DUSP5: variants seen among roughly 807,000 people sequenced by gnomAD.
DUSP5 encodes the protein dual specificity phosphatase 5.
A neutral mutation model predicts 33.6 loss-of-function variants in DUSP5; 22 were observed. The observed-to-expected ratio is 0.66, with a 90% CI of 0.47 to 0.94. The LOEUF (loss-of-function observed/expected upper bound fraction) is 0.94, where lower values mean the gene tolerates loss of function less well. DUSP5 is among the 40% of genes least tolerant of loss of function. The probability of loss-of-function intolerance (pLI) is 0.00; values close to 1 mark genes in which losing one functional copy is unlikely to be tolerated. For synonymous variants in DUSP5, 270 were observed against 231.1 expected (o/e 1.17, Z -1.53); for missense variants, 551 against 522.1 (o/e 1.06, Z -0.54).
At chr10:110,501,003 G>A (rs898606528) in intron 1 of DUSP5, among the ~76,000 whole-genome samples, 3 of 152,192 alleles carry the variant, frequency 2.0e-5, no homozygotes, top group Non-Finnish European at 2.9e-5. Context: ...GTAGCCTGAA[G>A]ATTCCTATTT....
In DUSP5 at chr10:110,506,933, A is replaced by C; in HGVS notation, c.529-2A>C. Reference sequence around the variant, plus strand: ...CTGATTGTCCTTTGTCCCTGCATCCAGGGTGGCCCAGTTGAAATCCTTCCC... The same window carrying C: ...CTGATTGTCCTTTGTCCCTGCATCCCGGGTGGCCCAGTTGAAATCCTTCCC... On this transcript the variant is annotated splice_acceptor_variant, in intron 2 of 3. Transcript: ENST00000369583. LOFTEE classifies it high-confidence loss of function. The C allele has an allele frequency of 6.2e-7, 1 of 1,614,128 alleles. No individual in the cohort carries two copies. The highest frequency in any genetic ancestry group is 8.5e-7 in the Non-Finnish European group (1 of 1,179,940).
Position 110,510,191 on chromosome 10 carries a change from T to C in DUSP5, c.920T>C (p.Met307Thr). Reference protein sequence around the residue: ...RSMVSPNFGFMGQLLQYESEI... With the variant: ...RSMVSPNFGFTGQLLQYESEI... ...ATGGTCTCGCCCAACTTTGGCTTCA[T>C]GGGCCAGCTCCTGCAGTACGAATCT... The change falls in exon 4 of 4, where the codon ATG becomes ACG. Residue 307 changes from methionine to threonine, a missense_variant. Around this residue, in one of 3 missense-constraint regions of DUSP5, gnomAD observed 158 missense variants for 181.8 expected, o/e 0.87. Transcript: ENST00000369583. 1 of 1,614,232 alleles carries C rather than the reference T, an allele frequency of 6.2e-7. No homozygotes were observed. Among genetic ancestry groups the C allele is most frequent in the Non-Finnish European group, 8.5e-7 (1 of 1,180,038 alleles).
intron 3 of DUSP5, 117 bp downstream of exon 3, chr10:110,507,271 C>A: frequency 9.3e-7 from 1 of 1,074,208 alleles, no homozygotes; most frequent in Non-Finnish European, 1.3e-6. Context: ...TTGTATATGC[C>A]GCTGCTGAGA....
chr10:110,507,535 CAG>C (rs1280775081), intron 3 of DUSP5, among the ~76,000 whole-genome samples: 4 of 152,144 alleles, frequency 2.6e-5, no homozygotes, highest in Admixed American at 2.0e-4. Context: ...TAAAAGCAAA[CAG>C]AAGGATTCAG....
chr10:110,499,156 C>T (rs901001646), intron 1 of DUSP5, among the ~76,000 whole-genome samples: 1 of 152,110 alleles, frequency 6.6e-6, no homozygotes, highest in Non-Finnish European at 1.5e-5. Flanking sequence ...GGGACCCATC[C>T]TGAGCTGAGC....
chr10:110,501,438 G>A lies in DUSP5; in HGVS notation c.380-1283G>A, dbSNP rs116803019. ...CAGTTCCAGTGAGCTGAGAGGAAGC[G>A]GTAATGGCAAGATGACTCATTCTAG... On this transcript the variant is annotated intron_variant, in intron 1 of 3. Coordinates refer to ENST00000369583, the MANE Select transcript of DUSP5 (RefSeq NM_004419.4). Among the ~76,000 whole-genome samples the A allele has an allele frequency of 5.5e-3, 843 of 152,228 alleles. 12 individuals are homozygous for A. The highest frequency in any genetic ancestry group is 0.02 in the African/African-American group (812 of 41,518).
intron 2 of DUSP5, among the ~76,000 whole-genome samples, chr10:110,504,003 T>C (rs1327319061): frequency 6.6e-6 from 1 of 152,348 alleles, no homozygotes; most frequent in East Asian, 1.9e-4. Context: ...AGGAATCCTA[T>C]TAGCTTGTCC....
At chr10:110,509,983 A>C in intron 3 of DUSP5, 37 bp from the exon 4 acceptor site, 1 of 1,544,698 alleles carries the variant, frequency 6.5e-7, no homozygotes, top group Non-Finnish European at 8.7e-7. Flanking sequence ...TTAGATTCTA[A>C]TCCCAACTCA....
rs750427248 is a variant in DUSP5 at position 110,498,200 on chromosome 10, G to T, written c.79G>T (p.Asp27Tyr). 1.3e-6 allele frequency: 2 copies of T among 1,504,276 alleles called. No individual in the cohort carries two copies. Among genetic ancestry groups the T allele is most frequent in the South Asian group, 1.2e-5 (1 of 85,126 alleles). The allele number at this position is 1,504,276 out of a possible 1,614,324, so 93.2% of individuals were successfully genotyped here. Reference sequence around the variant, plus strand: ...GGCGGCGGCGCGCTGCGTGGTGCTCGACTGCCGGCCCTATCTGGCCTTCGC... The same window carrying T: ...GGCGGCGGCGCGCTGCGTGGTGCTCTACTGCCGGCCCTATCTGGCCTTCGC... ...KEAAARCVVL[D>Y]CRPYLAFAAS... Residue 27 changes from aspartate (D) to tyrosine (Y), a missense_variant, in exon 1 of 4, where the codon GAC (aspartate) becomes TAC (tyrosine). By Grantham distance (160) the Asp-to-Tyr change is radical. This residue lies in a region of DUSP5 where 381 missense variants were observed against 310.4 expected (regional missense o/e 1.23). Coordinates refer to ENST00000369583, the MANE Select transcript of DUSP5 (RefSeq NM_004419.4).
rs143995781 is a variant in DUSP5, at chr10:110,504,463, G to T, written c.528+1594G>T. 2.9e-3 allele frequency among the ~76,000 whole-genome samples: 442 copies of T among 152,328 alleles called. 1 individual carries two copies. Among genetic ancestry groups the T allele is most frequent in the Non-Finnish European group, 4.7e-3 (321 of 68,016 alleles). The stretch of plus-strand genomic sequence containing the variant: ...CCAAAAGAAACTGGATAGGATCCCA[G>T]GTCTGGTGTATCAGCAATTTCCAGG... On this transcript the variant is annotated intron_variant, in intron 2 of 3. Transcript: ENST00000369583.
At chr10:110,500,740 C>T (rs1298468259) in intron 1 of DUSP5, among the ~76,000 whole-genome samples, 2 of 152,226 alleles carry the variant, frequency 1.3e-5, no homozygotes, top group Non-Finnish European at 2.9e-5. Context: ...ATTGCCATGG[C>T]TTTTGCCACT....
rs112723184 is a variant in DUSP5 at position 110,505,564 on chromosome 10, C to A, written c.529-1371C>A. ...AAATTGAGAATTGCCTGTGGCTGGCCCCTGTCCCACGCACCCTTCCCTGTT... is the reference window on the plus strand; with the variant it reads ...AAATTGAGAATTGCCTGTGGCTGGCACCTGTCCCACGCACCCTTCCCTGTT... On this transcript the variant is annotated intron_variant, in intron 2 of 3. Coordinates refer to ENST00000369583, the MANE Select transcript of DUSP5 (RefSeq NM_004419.4). Among the ~76,000 whole-genome samples the A allele has an allele frequency of 2.1e-3, 324 of 152,244 alleles. 4 individuals carry two copies. Among genetic ancestry groups the A allele is most frequent in the African/African-American group, 7.5e-3 (313 of 41,536 alleles).
At chr10:110,507,202 C>A in intron 3 of DUSP5, 48 bp downstream of exon 3, 1 of 1,573,786 alleles carries the variant, frequency 6.4e-7, no homozygotes, top group Non-Finnish European at 8.6e-7. Flanking sequence ...CCCTTTGGGG[C>A]ATGTGTTCTT....
intron 1 of DUSP5, among the ~76,000 whole-genome samples, chr10:110,501,535 G>C (rs1485051928): frequency 6.6e-6 from 1 of 152,118 alleles, no homozygotes; most frequent in Non-Finnish European, 1.5e-5. Flanking sequence ...CTACTGCAGG[G>C]CTTTAAAAAA....
At chr10:110,509,030 G>T (rs184921763) in intron 3 of DUSP5, among the ~76,000 whole-genome samples, 1 of 152,178 alleles carries the variant, frequency 6.6e-6, no homozygotes, top group Admixed American at 6.5e-5. Flanking sequence ...ATGTTTTTGC[G>T]TATTGTAGCC....
chr10:110,498,100 G>T lies in DUSP5; in HGVS notation c.-22G>T. The T allele has an allele frequency of 2.4e-6, 3 of 1,265,822 alleles. No homozygotes were observed. The highest frequency in any genetic ancestry group is 3.0e-6 in the Non-Finnish European group (3 of 1,004,484). 78.4% of individuals were successfully genotyped at this position (1,265,822 alleles called of 1,614,324 possible). On this transcript the variant is annotated 5_prime_UTR_variant, in exon 1 of 4. Coordinates refer to ENST00000369583, the MANE Select transcript of DUSP5 (RefSeq NM_004419.4). ...CCCGCGGGGCGCGCGGCGCGGGGCC[G>T]CTGGCCGGCGGCGGCGGCGGCATGA...
At chr10:110,500,337 C>T (rs553355659) in intron 1 of DUSP5, among the ~76,000 whole-genome samples, 1 of 152,350 alleles carries the variant, frequency 6.6e-6, no homozygotes, top group African/African-American at 2.4e-5. Flanking sequence ...TCTCCATGTG[C>T]TCTTGCGTGT....
At position 110,510,225 on chromosome 10, in the gene DUSP5, G is replaced by T; in HGVS notation, c.954G>T (p.Leu318=). The T allele has an allele frequency of 6.2e-7, 1 of 1,614,188 alleles. No homozygotes were observed. The highest frequency in any genetic ancestry group is 8.5e-7 in the Non-Finnish European group (1 of 1,180,024). The change falls in exon 4 of 4, where the codon CTG becomes CTT. Residue 318 remains leucine (L), a synonymous_variant. Coordinates refer to ENST00000369583, the MANE Select transcript of DUSP5 (RefSeq NM_004419.4). ...TCCTGCAGTACGAATCTGAGATCCTGCCCTCCACGCCCAACCCCCAGCCTC... is the reference window on the plus strand; with the variant it reads ...TCCTGCAGTACGAATCTGAGATCCTTCCCTCCACGCCCAACCCCCAGCCTC... ...GQLLQYESEI[L]PSTPNPQPPS...
intron 2 of DUSP5, among the ~76,000 whole-genome samples, chr10:110,503,724 C>T (rs1860085339): frequency 6.6e-6 from 1 of 152,262 alleles, no homozygotes; most frequent in East Asian, 1.9e-4. Flanking sequence ...TTCAAGGCAG[C>T]ATCAGGCTCA....
Sources: allele counts gnomAD v4.1 joint callset (sites outside exome capture counted in the v4.1 genomes callset), GRCh38; gene constraint gnomAD v4.1.1; regional missense constraint gnomAD v4.1.1; transcripts MANE v1.5; gene names NCBI Gene and HGNC (gene_info 2026-07-23, HGNC 2026-07-21).